Variants in VWF observed in about 807,000 individuals in gnomAD.
The protein encoded by VWF is Factor VIII related antigen.
VWF carries 176 observed loss-of-function variants against 308.6 expected under a neutral mutation model. That is an observed-to-expected ratio of 0.57 (90% CI 0.50 to 0.65). The LOEUF is 0.65. Among genes scored for constraint, VWF ranks in the 30% least tolerant of loss-of-function variants. VWF has a pLI of 0.00. For missense variants in VWF, 3,146 were observed against 3,648.2 expected (o/e 0.86, Z 3.55); for synonymous variants, 1,385 against 1,443.4 (o/e 0.96, Z 0.92).
At chr12:6,083,131 T>G (rs1944932387) in intron 6 of VWF, among the ~76,000 whole-genome samples, 1 of 152,182 alleles carries the variant, frequency 6.6e-6, no homozygotes, top group African/African-American at 2.4e-5. Context: ...AGCGTGTGAC[T>G]TTAAGAAAAT....
At chr12:6,079,490 G>C (rs556420437) in intron 6 of VWF, among the ~76,000 whole-genome samples, 1 of 152,116 alleles carries the variant, frequency 6.6e-6, no homozygotes, top group South Asian at 2.1e-4. Context: ...GGCACCTGTA[G>C]TCCCAGCTAT....
At chr12:5,998,661 G>A (rs1943839028) in intron 34 of VWF, among the ~76,000 whole-genome samples, 1 of 150,936 alleles carries the variant, frequency 6.6e-6, no homozygotes, top group Non-Finnish European at 1.5e-5. Flanking sequence ...AAATTACTAT[G>A]AAAAAAGCAT....
intron 3 of VWF, among the ~76,000 whole-genome samples, chr12:6,116,663 T>C (rs1045582103): frequency 6.6e-6 from 1 of 152,120 alleles, no homozygotes; most frequent in African/African-American, 2.4e-5. Flanking sequence ...ACTCCCATAG[T>C]CTCTCTCTGG....
At chr12:6,022,494 C>G (rs1591865328) in intron 26 of VWF, among the ~76,000 whole-genome samples, 1 of 150,978 alleles carries the variant, frequency 6.6e-6, no homozygotes. Context: ...AAAGTTCTAT[C>G]GGCAGGGGCT....
At chr12:6,064,506 C>A in intron 11 of VWF, 122 bp from the exon 12 acceptor site, 1 of 1,422,198 alleles carries the variant, frequency 7.0e-7, no homozygotes, top group South Asian at 1.2e-5. Context: ...TCATAACCTA[C>A]AACTCCATTC....
intron 6 of VWF, among the ~76,000 whole-genome samples, chr12:6,082,254 C>T (rs556861013): frequency 6.2e-4 from 94 of 152,244 alleles, no homozygotes; most frequent in Non-Finnish European, 9.6e-4. Context: ...CGTGAGCCAC[C>T]GCGCCTGGCC....
rs1476518821 is a variant in VWF, at chr12:6,011,631, C to T, written c.5828G>A (p.Arg1943His). The change falls in exon 34 of 52, where the codon CGC (arginine) becomes CAC (histidine). Residue 1943 changes from arginine (R) to histidine (H), a missense_variant. Physicochemically the swap from Arg to His is conservative, Grantham distance 29. This residue lies in a region of VWF where 853 missense variants were observed against 1,177.8 expected (regional missense o/e 0.72). Transcript: ENST00000261405. ...AAAGGACTCACAGGGGCAGGTCCAG[C>T]GGCAGCCACAGGTCTCTTCCACTTT... ...PVKVEETCGCRWTCPCVCTGS... is the reference protein window; with the variant it reads ...PVKVEETCGCHWTCPCVCTGS... 17 of 1,609,304 alleles carry T rather than the reference C, an allele frequency of 1.1e-5. No homozygotes were observed. Among genetic ancestry groups the T allele is most frequent in the Middle Eastern group, 1.7e-4 (1 of 5,918 alleles).
chr12:5,960,822 G>A (rs1211991342), intron 47 of VWF, among the ~76,000 whole-genome samples: 1 of 152,176 alleles, frequency 6.6e-6, no homozygotes, highest in Non-Finnish European at 1.5e-5. Flanking sequence ...AAAAATAGAT[G>A]AGAACTTCTT....
intron 47 of VWF, 143 bp downstream of exon 47, chr12:5,967,343 T>C: frequency 1.3e-6 from 1 of 782,238 alleles, no homozygotes; most frequent in African/African-American, 1.7e-5. Context: ...TGATTTTTAG[T>C]CTCTTCTTTA....
intron 36 of VWF, 69 bp downstream of exon 36, chr12:5,994,346 C>T: frequency 6.2e-7 from 1 of 1,602,934 alleles, no homozygotes; most frequent in Non-Finnish European, 8.5e-7. Flanking sequence ...CCAAGAGCCT[C>T]AGAGTAGAGC....
chr12:6,061,372 A>C (rs1191377269), intron 13 of VWF, among the ~76,000 whole-genome samples: 2 of 150,818 alleles, frequency 1.3e-5, no homozygotes, highest in Non-Finnish European at 2.9e-5. Context: ...TCCAGAAATA[A>C]TGGCTCTTTA....
At chr12:6,054,513 C>A (rs950330097) in intron 15 of VWF, among the ~76,000 whole-genome samples, 1 of 152,210 alleles carries the variant, frequency 6.6e-6, no homozygotes, top group African/African-American at 2.4e-5. Context: ...TCTCCTTTAG[C>A]CTTCTTCCCC....
chr12:6,001,915 A>C (rs1020005390), intron 34 of VWF, among the ~76,000 whole-genome samples: 11 of 152,144 alleles, frequency 7.2e-5, no homozygotes, highest in African/African-American at 2.7e-4. Flanking sequence ...TAAAATTAAA[A>C]ATTTTTTAAT....
chr12:6,106,872 ACT>A (rs1413815926), intron 5 of VWF, among the ~76,000 whole-genome samples: 1 of 137,466 alleles, frequency 7.3e-6, no homozygotes. Context: ...TGAAACTCCG[ACT>A]CAAAAAAAAA....
At position 6,108,306 on chromosome 12, in the gene VWF, AAAAG is replaced by A. The variant is rs1166540721; in HGVS notation, c.532+2064_532+2067del. On this transcript the variant is annotated intron_variant, in intron 5 of 51. Coordinates refer to ENST00000261405, the MANE Select transcript of VWF (RefSeq NM_000552.5). ...AAGACTCTGTCTTTAAAAAAAAAAAAAAAGAAAGAAAGAAAGAAAGAAATATATA... is the reference window on the plus strand; with the variant it reads ...AAGACTCTGTCTTTAAAAAAAAAAAAAAAGAAAGAAAGAAAGAAATATATA... Among the ~76,000 whole-genome samples the A allele has an allele frequency of 1.0e-3, 148 of 142,662 alleles. 1 individual carries two copies. Among genetic ancestry groups the A allele is most frequent in the Admixed American group, 9.3e-4 (13 of 13,996 alleles). 93.6% of individuals were successfully genotyped at this position (142,662 alleles called of 152,430 possible). A position where few individuals can be genotyped will look rare whatever the true frequency, so the allele number is the denominator to read the frequency against.
Position 6,034,710 on chromosome 12 carries a change from T to TC in VWF, c.2662dup (p.Glu888GlyfsTer14). 6.2e-7 allele frequency: 1 copy of TC among 1,613,766 alleles called. No homozygotes were observed. The highest frequency in any genetic ancestry group is 1.3e-5 in the African/African-American group (1 of 74,904). ...CACCTGCACCAGAACGTACTGGCAC[T>TC]CCCCGGGGAACAGGTATTTGAGCCC... On this transcript the variant is annotated frameshift_variant, in exon 20 of 52. Transcript: ENST00000261405. LOFTEE classifies it high-confidence loss of function.
chr12:5,956,762 TAA>T (rs1943256261), intron 47 of VWF, among the ~76,000 whole-genome samples: 1 of 152,158 alleles, frequency 6.6e-6, no homozygotes, highest in East Asian at 1.9e-4. Flanking sequence ...TGTTTTAAGC[TAA>T]GTGTTATTAC....
At position 6,013,628 on chromosome 12, in the gene VWF, T is replaced by G. The variant is rs372430819; in HGVS notation, c.5473A>C (p.Ile1825Leu). ...GCATCGTAGCGATCTCCAATTCCAA[T>G]AGGGAACACTGTCACTCCTAGAGTT... is the stretch of plus-strand genomic sequence containing the variant. ...ARSNRVTVFP[I>L]GIGDRYDAAQ... Residue 1825 changes from isoleucine to leucine, a missense_variant, in exon 32 of 52, where the codon ATT (isoleucine) becomes CTT (leucine). Coordinates refer to ENST00000261405, the MANE Select transcript of VWF (RefSeq NM_000552.5). The G allele has an allele frequency of 1.9e-5, 30 of 1,613,216 alleles. No individual in the cohort carries two copies. Among genetic ancestry groups the G allele is most frequent in the Non-Finnish European group, 2.4e-5 (28 of 1,179,848 alleles).
chr12:6,007,438 A>G (rs891873084), intron 34 of VWF, among the ~76,000 whole-genome samples: 3 of 152,210 alleles, frequency 2.0e-5, no homozygotes, highest in African/African-American at 7.2e-5. Flanking sequence ...GAAAGTTCTC[A>G]AATATGTGGA....
Sources: allele counts gnomAD v4.1 joint callset (sites outside exome capture counted in the v4.1 genomes callset), GRCh38; gene constraint gnomAD v4.1.1; regional missense constraint gnomAD v4.1.1; transcripts MANE v1.5; gene names NCBI Gene and HGNC (gene_info 2026-07-23, HGNC 2026-07-21).